EYS: variants seen among roughly 807,000 people sequenced by gnomAD.
EYS encodes the protein EGF-like photoreceptor maintenance factor, also known as protein eyes shut homolog.
A neutral mutation model predicts 282.1 loss-of-function variants in EYS; 250 were observed. The ratio of observed to expected loss-of-function variants is 0.89; its 90% CI spans 0.80 to 0.98. The LOEUF is 0.98. Ranked by LOEUF, EYS falls within the 50% of genes least tolerant of loss-of-function variation. EYS has a pLI of 0.00. For missense variants in EYS, 4,016 were observed against 3,709.0 expected, an observed-to-expected ratio of 1.08 and a Z score of -2.15; for synonymous variants, 1,355 against 1,282.9, an observed-to-expected ratio of 1.06 and a Z score of -1.20.
chr6:65,444,367 A>G (rs1768569891), intron 5 of EYS, among the ~76,000 whole-genome samples: 1 of 152,014 alleles, frequency 6.6e-6, no homozygotes, highest in Non-Finnish European at 1.5e-5. Context: ...TCTAGTTTAA[A>G]GTTGATGTAA....
At chr6:64,645,534 G>A (rs1582991753) in intron 22 of EYS, among the ~76,000 whole-genome samples, 1 of 152,172 alleles carries the variant, frequency 6.6e-6, no homozygotes, top group African/African-American at 2.4e-5. Context: ...GACATCAGAC[G>A]GCGTGGAGAT....
intron 35 of EYS, among the ~76,000 whole-genome samples, chr6:63,937,569 G>T (rs544443809): frequency 6.6e-6 from 1 of 151,078 alleles, no homozygotes; most frequent in South Asian, 2.1e-4. Flanking sequence ...TTTTAGTAGA[G>T]ACGGGGTTTC....
chr6:63,951,574 T>A (rs182659290), intron 35 of EYS, among the ~76,000 whole-genome samples: 9 of 152,108 alleles, frequency 5.9e-5, no homozygotes, highest in Non-Finnish European at 1.2e-4. Flanking sequence ...CCTCCTCAGG[T>A]CACTCCCCAC....
At chr6:65,321,010 TCCCAAGGGATA>T (rs1057041389) in intron 11 of EYS, among the ~76,000 whole-genome samples, 7 of 152,218 alleles carry the variant, frequency 4.6e-5, no homozygotes, top group African/African-American at 1.7e-4. Context: ...CAGCTGTTGG[TCCCAAGGGATA>T]CCCTAGAAAT....
intron 15 of EYS, among the ~76,000 whole-genome samples, chr6:64,922,166 C>T (rs184522302): frequency 5.0e-4 from 76 of 152,264 alleles, no homozygotes; most frequent in African/African-American, 1.7e-3. Flanking sequence ...TTCTCCCTCT[C>T]TCCCACCTCT....
chr6:64,656,170 A>G (rs890757671), intron 22 of EYS, among the ~76,000 whole-genome samples: 1 of 145,356 alleles, frequency 6.9e-6, no homozygotes, highest in Non-Finnish European at 1.5e-5. Flanking sequence ...AATCAAATAC[A>G]GAGAGAAAAA....
Position 64,527,337 on chromosome 6 carries a change from G to A in EYS, c.5644+62886C>T, listed in dbSNP as rs183834195. 1.8e-3 allele frequency among the ~76,000 whole-genome samples: 272 copies of A among 151,894 alleles called. 1 individual carries two copies. The highest frequency in any genetic ancestry group is 3.0e-3 in the Non-Finnish European group (204 of 67,750). On this transcript the variant is annotated intron_variant, in intron 26 of 42. Transcript: ENST00000503581. The stretch of plus-strand genomic sequence containing the variant: ...AGCAAAATGGAAGTTGATATGCCAG[G>A]CCTAAGGGCCTTCTTCTGTTCCTTT...
At chr6:63,985,198 G>A (rs561766395) in intron 34 of EYS, among the ~76,000 whole-genome samples, 1 of 151,648 alleles carries the variant, frequency 6.6e-6, no homozygotes, top group African/African-American at 2.4e-5. Context: ...AAGAAGCTTG[G>A]ATACAGACCG....
At chr6:65,024,030 T>A (rs796479918) in intron 13 of EYS, among the ~76,000 whole-genome samples, 1 of 152,208 alleles carries the variant, frequency 6.6e-6, no homozygotes, top group South Asian at 2.1e-4. Flanking sequence ...AGCCCTCTTC[T>A]TTAAAGCAAG....
At chr6:65,636,286 T>C (rs1767086163) in intron 2 of EYS, among the ~76,000 whole-genome samples, 1 of 152,180 alleles carries the variant, frequency 6.6e-6, no homozygotes, top group South Asian at 2.1e-4. Flanking sequence ...CAGTCCCACT[T>C]CCTCCCCAAC....
rs1250245475 is a variant in EYS at position 64,345,685 on chromosome 6, G to T, written c.6079-38603C>A. Among the ~76,000 whole-genome samples, 4 of 151,998 alleles carry T rather than the reference G, an allele frequency of 2.6e-5. No homozygotes were observed. In the South Asian group the frequency reaches 6.2e-4, roughly 24 times the overall value. ...AACACCAAAAGCAATGGCAACAAAAGCCAAAAGTGACAAATGGGATCTAAT... is the reference window on the plus strand; with the variant it reads ...AACACCAAAAGCAATGGCAACAAAATCCAAAAGTGACAAATGGGATCTAAT... On this transcript the variant is annotated intron_variant, in intron 29 of 42. Coordinates refer to ENST00000503581, the MANE Select transcript of EYS (RefSeq NM_001142800.2).
intron 12 of EYS, among the ~76,000 whole-genome samples, chr6:65,123,621 A>G (rs1431011474): frequency 6.6e-6 from 1 of 152,170 alleles, no homozygotes; most frequent in East Asian, 1.9e-4. Context: ...TTGACAAACC[A>G]GAGTGGCTAA....
chr6:65,387,227 T>A (rs1765835193), intron 7 of EYS, among the ~76,000 whole-genome samples: 1 of 151,904 alleles, frequency 6.6e-6, no homozygotes, highest in African/African-American at 2.4e-5. Context: ...TGCACACTAC[T>A]GATTTTAATG....
intron 14 of EYS, among the ~76,000 whole-genome samples, chr6:64,986,763 G>A (rs75349536): frequency 0.35 from 52,967 of 150,316 alleles, 11,426 homozygotes; most frequent in Admixed American, 0.49. Context: ...AGTTAAAATT[G>A]ATGTATTTTA....
intron 19 of EYS, among the ~76,000 whole-genome samples, chr6:64,825,951 C>T (rs1421286211): frequency 1.3e-5 from 2 of 151,558 alleles, no homozygotes; most frequent in East Asian, 1.9e-4. Context: ...ATTATTATAA[C>T]AACAAGATTG....
chr6:65,641,810 T>C (rs1767284767), intron 1 of EYS, among the ~76,000 whole-genome samples: 1 of 152,218 alleles, frequency 6.6e-6, no homozygotes. Context: ...CCTGTTTCTG[T>C]TGATGTCCTT....
chr6:65,598,423 A>G (rs1765490465), intron 2 of EYS, among the ~76,000 whole-genome samples: 1 of 152,002 alleles, frequency 6.6e-6, no homozygotes, highest in African/African-American at 2.4e-5. Flanking sequence ...ATTTTTAACC[A>G]ATATTTATGC....
intron 33 of EYS, among the ~76,000 whole-genome samples, chr6:64,010,060 G>A (rs930192271): frequency 4.6e-4 from 69 of 149,486 alleles, no homozygotes; most frequent in East Asian, 1.6e-3. Context: ...ACTCTGGGGG[G>A]TGGGGCTGGT....
chr6:64,574,287 C>A (rs1252999262), intron 26 of EYS, among the ~76,000 whole-genome samples: 1 of 151,804 alleles, frequency 6.6e-6, no homozygotes, highest in Non-Finnish European at 1.5e-5. Flanking sequence ...TGGGTGGGGG[C>A]AAGGGGAGGG....
Sources: allele counts gnomAD v4.1 joint callset (sites outside exome capture counted in the v4.1 genomes callset), GRCh38; gene constraint gnomAD v4.1.1; transcripts MANE v1.5; gene names NCBI Gene and HGNC (gene_info 2026-07-23, HGNC 2026-07-21).